CSMD1: variants seen among roughly 807,000 people sequenced by gnomAD.
CSMD1 encodes the protein CUB and sushi domain-containing protein 1.
Under a neutral mutation model 417.5 loss-of-function variants are expected in CSMD1, and 213 were observed. The observed-to-expected ratio is 0.51, with a 90% confidence interval of 0.46 to 0.57. The LOEUF is 0.57. Among genes scored for constraint, CSMD1 ranks in the 20% least tolerant of loss-of-function variants. CSMD1 has a pLI of 0.00. For synonymous variants in CSMD1, 2,862 were observed against 1,736.8 expected (o/e 1.65, Z -16.11); for missense variants, 6,923 against 4,529.7 (o/e 1.53, Z -15.17).
chr8:4,719,863 A>C (rs1007169132), intron 1 of CSMD1, among the ~76,000 whole-genome samples: 1 of 152,158 alleles, frequency 6.6e-6, no homozygotes, highest in African/African-American at 2.4e-5. Flanking sequence ...AAAATATGGG[A>C]AAGGACTCCC....
chr8:3,959,082 C>T (rs566574257), intron 5 of CSMD1, among the ~76,000 whole-genome samples: 17 of 152,212 alleles, frequency 1.1e-4, no homozygotes, highest in Non-Finnish European at 2.1e-4. Flanking sequence ...AAGCTCAGCT[C>T]TTAACAACGC....
intron 3 of CSMD1, among the ~76,000 whole-genome samples, chr8:4,393,505 A>T (rs1463296119): frequency 6.6e-6 from 1 of 152,202 alleles, no homozygotes; most frequent in Non-Finnish European, 1.5e-5. Context: ...AGATTTAAAC[A>T]TATCTCATAC....
At chr8:4,025,894 C>T (rs189853300) in intron 4 of CSMD1, among the ~76,000 whole-genome samples, 1 of 151,796 alleles carries the variant, frequency 6.6e-6, no homozygotes, top group Non-Finnish European at 1.5e-5. Context: ...ATATATAATA[C>T]ATTTAGGTGT....
intron 5 of CSMD1, among the ~76,000 whole-genome samples, chr8:3,841,180 G>C (rs952653513): frequency 1.3e-5 from 2 of 152,084 alleles, no homozygotes; most frequent in African/African-American, 4.8e-5. Flanking sequence ...GTGTTTTTAT[G>C]TATGTAATAC....
At chr8:3,511,839 T>A (rs1331787696) in intron 10 of CSMD1, among the ~76,000 whole-genome samples, 3 of 149,052 alleles carry the variant, frequency 2.0e-5, no homozygotes, top group Non-Finnish European at 4.5e-5. Flanking sequence ...TAAAATAAAA[T>A]AAAAATATAA....
At chr8:3,241,636 T>A (rs1799531842) in intron 26 of CSMD1, among the ~76,000 whole-genome samples, 1 of 152,182 alleles carries the variant, frequency 6.6e-6, no homozygotes. Context: ...AATCCTGGGC[T>A]GCAGGCATTC....
At chr8:4,854,174 C>A (rs974592137) in intron 1 of CSMD1, among the ~76,000 whole-genome samples, 1 of 152,002 alleles carries the variant, frequency 6.6e-6, no homozygotes, top group Non-Finnish European at 1.5e-5. Context: ...TTCTATTTTG[C>A]AATGTGAGAA....
At chr8:3,559,327 G>A (rs1024212192) in intron 10 of CSMD1, among the ~76,000 whole-genome samples, 1 of 152,188 alleles carries the variant, frequency 6.6e-6, no homozygotes, top group Non-Finnish European at 1.5e-5. Flanking sequence ...TGATTTCAAA[G>A]ACTAGGCATG....
chr8:3,477,664 G>C (rs555879889), intron 11 of CSMD1, among the ~76,000 whole-genome samples: 7 of 152,294 alleles, frequency 4.6e-5, no homozygotes, highest in African/African-American at 7.2e-5. Flanking sequence ...AGAGGAAGAA[G>C]TCAACTCAGT....
chr8:3,093,447 G>A (rs1003275379), intron 47 of CSMD1, among the ~76,000 whole-genome samples: 37 of 152,156 alleles, frequency 2.4e-4, no homozygotes, highest in African/African-American at 8.9e-4. Flanking sequence ...CGAGTGGATC[G>A]CCTGAGGTCA....
intron 23 of CSMD1, among the ~76,000 whole-genome samples, chr8:3,332,630 T>C (rs1284770301): frequency 6.6e-6 from 1 of 152,256 alleles, no homozygotes; most frequent in Non-Finnish European, 1.5e-5. Context: ...ACATTCCCTT[T>C]ATTAAATATA....
chr8:4,527,605 G>T (rs1585205356), intron 2 of CSMD1, among the ~76,000 whole-genome samples: 1 of 152,116 alleles, frequency 6.6e-6, no homozygotes, highest in African/African-American at 2.4e-5. Context: ...AAGTTGGTAG[G>T]GCCCCATATT....
At chr8:4,472,646 C>G (rs1471927353) in intron 2 of CSMD1, among the ~76,000 whole-genome samples, 2 of 151,668 alleles carry the variant, frequency 1.3e-5, no homozygotes, top group Non-Finnish European at 2.9e-5. Context: ...TAATTTTAAA[C>G]AAATAATTTA....
chr8:3,232,566 T>C (rs74894252), intron 26 of CSMD1, among the ~76,000 whole-genome samples: 4 of 152,228 alleles, frequency 2.6e-5, no homozygotes, highest in African/African-American at 4.8e-5. Context: ...ATGCTGCTGG[T>C]ACACATTTGC....
intron 1 of CSMD1, among the ~76,000 whole-genome samples, chr8:4,803,084 G>C (rs998534909): frequency 2.0e-5 from 3 of 152,148 alleles, no homozygotes; most frequent in Non-Finnish European, 4.4e-5. Flanking sequence ...TTACAGAAAA[G>C]TACAATTGCT....
chr8:2,959,973 G>A (rs2128924558), intron 62 of CSMD1, among the ~76,000 whole-genome samples: 1 of 152,188 alleles, frequency 6.6e-6, no homozygotes, highest in Non-Finnish European at 1.5e-5. Flanking sequence ...GAGGGTGAAG[G>A]ATTTATCCAA....
chr8:4,711,980 C>T (rs925673885), intron 1 of CSMD1, among the ~76,000 whole-genome samples: 1 of 152,086 alleles, frequency 6.6e-6, no homozygotes, highest in Non-Finnish European at 1.5e-5. Context: ...AAACTCAAGT[C>T]AGTGATTTGA....
At chr8:4,514,191 G>C (rs142876118) in intron 2 of CSMD1, among the ~76,000 whole-genome samples, 2 of 152,030 alleles carry the variant, frequency 1.3e-5, no homozygotes, top group African/African-American at 4.8e-5. Flanking sequence ...CCTTCTTACC[G>C]TGTCCTCATA....
chr8:4,186,451 T>G (rs939395623), intron 3 of CSMD1, among the ~76,000 whole-genome samples: 1 of 152,062 alleles, frequency 6.6e-6, no homozygotes, highest in Admixed American at 6.5e-5. Flanking sequence ...GGTTTCCACC[T>G]TGTAAAATAA....
Sources: allele counts gnomAD v4.1 joint callset (sites outside exome capture counted in the v4.1 genomes callset), GRCh38; gene constraint gnomAD v4.1.1; transcripts MANE v1.5; gene names NCBI Gene and HGNC (gene_info 2026-07-23, HGNC 2026-07-21).